The following KIF11 variants were observed in gnomAD, a reference collection of about 807,000 sequenced individuals.
KIF11 encodes the protein kinesin-like protein KIF11.
In KIF11, 9 loss-of-function variants were observed where a neutral mutation model predicts 121.0. The observed-to-expected ratio is 0.07, with a 90% confidence interval of 0.04 to 0.13. The LOEUF is 0.13. Ranked by LOEUF, KIF11 falls within the 10% of genes least tolerant of loss-of-function variation. The probability of loss-of-function intolerance (pLI) is 1.00; values close to 1 mark genes in which losing one functional copy is unlikely to be tolerated. For synonymous variants in KIF11, 408 were observed against 421.0 expected (o/e 0.97, Z 0.38); for missense variants, 846 against 1,217.5 (o/e 0.69, Z 4.54).
At chr10:92,651,069 C>G (rs12262781) in intron 21 of KIF11, among the ~76,000 whole-genome samples, 22,646 of 151,982 alleles carry the variant, frequency 0.15, 3,588 homozygotes, top group African/African-American at 0.4. Context: ...CTGAGTCACC[C>G]AGGCTGAAGT....
intron 1 of KIF11, among the ~76,000 whole-genome samples, chr10:92,601,957 T>C (rs902698211): frequency 2.6e-5 from 4 of 152,214 alleles, no homozygotes; most frequent in Non-Finnish European, 5.9e-5. Flanking sequence ...TCCTAGTTTG[T>C]TGAGCATTTT....
At chr10:92,619,754 T>G (rs1335637404) in intron 9 of KIF11, among the ~76,000 whole-genome samples, 2 of 151,780 alleles carry the variant, frequency 1.3e-5, no homozygotes, top group Non-Finnish European at 2.9e-5. Context: ...GAGTGTCTTT[T>G]TAATGTGCTT....
intron 9 of KIF11, among the ~76,000 whole-genome samples, chr10:92,619,068 G>A (rs1407196937): frequency 9.9e-5 from 15 of 152,026 alleles, no homozygotes. Context: ...CCAGGCTGGA[G>A]TGCAGTGGTG....
intron 20 of KIF11, 127 bp downstream of exon 20, chr10:92,650,113 G>T: frequency 1.5e-6 from 1 of 682,530 alleles, no homozygotes. Flanking sequence ...GATAGGCCTA[G>T]CCCTTAGGCT....
intron 21 of KIF11, among the ~76,000 whole-genome samples, chr10:92,653,405 T>TA (rs1228040380): frequency 6.6e-6 from 1 of 152,064 alleles, no homozygotes; most frequent in Admixed American, 6.5e-5. Flanking sequence ...TACCCTGGAG[T>TA]AAAATCTATA....
intron 1 of KIF11, among the ~76,000 whole-genome samples, chr10:92,595,254 T>A (rs754386407): frequency 6.6e-6 from 1 of 152,218 alleles, no homozygotes; most frequent in Non-Finnish European, 1.5e-5. Context: ...GAGATGGGGT[T>A]TCACCATGTT....
intron 9 of KIF11, among the ~76,000 whole-genome samples, chr10:92,620,369 CGCGTCCG>C (rs1694721370): frequency 6.6e-6 from 1 of 152,098 alleles, no homozygotes; most frequent in Non-Finnish European, 1.5e-5. Context: ...CGTGAGCCAC[CGCGTCCG>C]GCCAGAGGTA....
intron 16 of KIF11, 42 bp downstream of exon 16, chr10:92,637,587 T>G (rs1844821035): frequency 1.3e-6 from 2 of 1,550,682 alleles, no homozygotes; most frequent in African/African-American, 1.4e-5. Flanking sequence ...AAAGAGAGTT[T>G]TAGGATGATT....
At chr10:92,653,202 T>G (rs971030097) in intron 21 of KIF11, among the ~76,000 whole-genome samples, 6 of 152,220 alleles carry the variant, frequency 3.9e-5, no homozygotes, top group Non-Finnish European at 8.8e-5. Flanking sequence ...GCTATTGGCA[T>G]TTTAAACTGG....
chr10:92,600,066 T>C (rs1285449505), intron 1 of KIF11, among the ~76,000 whole-genome samples: 4 of 150,774 alleles, frequency 2.7e-5, no homozygotes, highest in Non-Finnish European at 5.9e-5. Flanking sequence ...AGTGCAGTGG[T>C]GTGATCTCGG....
chr10:92,644,801 A>G (rs2135923075), intron 17 of KIF11, among the ~76,000 whole-genome samples: 1 of 152,374 alleles, frequency 6.6e-6, no homozygotes, highest in South Asian at 2.1e-4. Flanking sequence ...GATGGAAATT[A>G]TCAATGAATT....
intron 1 of KIF11, among the ~76,000 whole-genome samples, chr10:92,596,556 T>TAG (rs71306836): frequency 0.31 from 46,482 of 150,582 alleles, 8,106 homozygotes; most frequent in East Asian, 0.67. Context: ...TTTTTTCAAG[T>TAG]AGCCATCCAT....
intron 9 of KIF11, 75 bp downstream of exon 9, chr10:92,616,907 A>C: frequency 1.2e-6 from 1 of 809,642 alleles, no homozygotes; most frequent in South Asian, 1.6e-5. Context: ...GTGGGAGATA[A>C]TAGTTAAACA....
chr10:92,649,204 T>C lies in KIF11; in HGVS notation c.2771-631T>C, dbSNP rs151126991. Among the ~76,000 whole-genome samples the C allele has an allele frequency of 7.9e-4, 121 of 152,256 alleles. 2 individuals carry two copies. The East Asian group carries it at 0.021, about 26-fold the overall frequency. On this transcript the variant is annotated intron_variant, in intron 19 of 21. Transcript: ENST00000260731. ...TGGTTTATTTATTCCCCAAGAGACC[T>C]GTAGGATTTACTGTCTACTTTTCAA...
intron 14 of KIF11, among the ~76,000 whole-genome samples, chr10:92,635,272 A>G (rs1309535440): frequency 6.6e-6 from 1 of 152,358 alleles, no homozygotes; most frequent in East Asian, 1.9e-4. Context: ...CAAAATTAAA[A>G]GATATCCTGT....
intron 1 of KIF11, among the ~76,000 whole-genome samples, chr10:92,601,536 C>G (rs920611183): frequency 6.6e-6 from 1 of 151,904 alleles, no homozygotes; most frequent in African/African-American, 2.4e-5. Context: ...CCTAATTACT[C>G]TAGCTAGAAC....
intron 4 of KIF11, among the ~76,000 whole-genome samples, chr10:92,608,727 G>A (rs998711767): frequency 2.6e-5 from 4 of 152,138 alleles, no homozygotes; most frequent in African/African-American, 9.7e-5. Flanking sequence ...GTGAGCCACC[G>A]TGCCTGGCCG....
intron 6 of KIF11, among the ~76,000 whole-genome samples, chr10:92,612,522 C>T (rs75729489): frequency 0.021 from 3,159 of 152,218 alleles, 49 homozygotes; most frequent in Admixed American, 0.052. Context: ...AGTAATCATG[C>T]TGTTTACTAT....
At position 92,603,563 on chromosome 10, in the gene KIF11, G is replaced by A. The variant is rs543984337; in HGVS notation, c.78-2702G>A. 4.6e-5 allele frequency among the ~76,000 whole-genome samples: 7 copies of A among 152,204 alleles called. No homozygotes were observed. The East Asian group carries it at 1.4e-3, about 29-fold the overall frequency. On this transcript the variant is annotated intron_variant, in intron 1 of 21. Transcript: ENST00000260731. ...ATGAGGTTTCACCATATTGGCCAGG[G>A]CTAGTTTCGAACTTCTGACCTCAAG...
Sources: gnomAD v4.1 joint callset for allele counts (sites outside exome capture counted in the v4.1 genomes callset) on GRCh38, gnomAD v4.1.1 for gene constraint, MANE v1.5 for transcripts, NCBI Gene and HGNC (gene_info 2026-07-23, HGNC 2026-07-21) for gene names.